DYNLRB1: variants seen among roughly 807,000 people sequenced by gnomAD.
DYNLRB1 encodes dynein light chain roadblock-type 1, also known as ROBL/LC7-like 1.
DYNLRB1 carries 6 observed loss-of-function variants against 13.5 expected under a neutral mutation model. The ratio of observed to expected loss-of-function variants is 0.44; its 90% CI spans 0.24 to 0.88. The LOEUF (loss-of-function observed/expected upper bound fraction) is 0.88. Ranked by LOEUF, DYNLRB1 falls within the 40% of genes least tolerant of loss-of-function variation. DYNLRB1 has a pLI of 0.21. For synonymous variants in DYNLRB1, 43 were observed against 45.0 expected (o/e 0.96, Z 0.18); for missense variants, 93 against 127.2 (o/e 0.73, Z 1.29).
chr20:34,531,729 T>G (rs751646279), intron 2 of DYNLRB1, among the ~76,000 whole-genome samples: 1 of 152,086 alleles, frequency 6.6e-6, no homozygotes, highest in Non-Finnish European at 1.5e-5. Flanking sequence ...GGAGCTTACA[T>G]TGTGGTGGGA....
upstream of DYNLRB1, among the ~76,000 whole-genome samples, chr20:34,515,827 G>C (rs1979127163): frequency 6.6e-6 from 1 of 152,132 alleles, no homozygotes; most frequent in Admixed American, 6.5e-5. Flanking sequence ...ATTGAGAGCT[G>C]AAAGCCTCTT....
chr20:34,516,347 G>A, upstream of DYNLRB1: 2 of 1,466,190 alleles, frequency 1.4e-6, no homozygotes, highest in Non-Finnish European at 1.8e-6. Context: ...CCTCACGCTG[G>A]CTCCTGATAG....
chr20:34,534,831 C>T, intron 3 of DYNLRB1, 36 bp downstream of exon 3: 1 of 1,613,662 alleles, frequency 6.2e-7, no homozygotes, highest in Non-Finnish European at 8.5e-7. Context: ...TAGGAACAGA[C>T]CTCATGGCAC....
intron 2 of DYNLRB1, chr20:34,533,448 A>G: frequency 1.0e-6 from 1 of 985,262 alleles, no homozygotes; most frequent in Non-Finnish European, 1.2e-6. Flanking sequence ...TATAGCTGCT[A>G]CCCAAGCCTC....
At chr20:34,535,122 G>C in intron 3 of DYNLRB1, 1 of 984,914 alleles carries the variant, frequency 1.0e-6, no homozygotes, top group South Asian at 4.7e-5. Context: ...GTCTGGGGCT[G>C]TCTGCAAAAG....
At chr20:34,516,257 C>G (rs1979152513), upstream of DYNLRB1, among the ~76,000 whole-genome samples, 1 of 152,270 alleles carries the variant, frequency 6.6e-6, no homozygotes, top group South Asian at 2.1e-4. Flanking sequence ...CGCACTGCTC[C>G]TTAGCTTTTC....
intron 2 of DYNLRB1, 50 bp downstream of exon 2, chr20:34,526,393 G>C (rs183290685): frequency 6.3e-7 from 1 of 1,588,866 alleles, no homozygotes; most frequent in Non-Finnish European, 8.6e-7. Flanking sequence ...CCCAGAAGCA[G>C]CCATAACACA....
intron 2 of DYNLRB1, among the ~76,000 whole-genome samples, chr20:34,529,012 A>G (rs1409487353): frequency 6.6e-6 from 1 of 151,736 alleles, no homozygotes; most frequent in Admixed American, 6.6e-5. Flanking sequence ...AGTAACAATG[A>G]AGTGTGTAGG....
intron 2 of DYNLRB1, among the ~76,000 whole-genome samples, chr20:34,532,008 T>C (rs975972791): frequency 2.6e-5 from 4 of 152,122 alleles, no homozygotes; most frequent in Non-Finnish European, 2.9e-5. Context: ...CTCTTACCAT[T>C]GGGGCCCAAA....
intron 3 of DYNLRB1, among the ~76,000 whole-genome samples, chr20:34,539,044 G>T (rs1235479532): frequency 2.0e-5 from 3 of 152,184 alleles, no homozygotes; most frequent in African/African-American, 4.8e-5. Flanking sequence ...AATGTTTGCA[G>T]TTTGATTAAG....
intron 1 of DYNLRB1, among the ~76,000 whole-genome samples, chr20:34,520,061 G>A (rs568909123): frequency 9.9e-5 from 15 of 152,166 alleles, no homozygotes; most frequent in African/African-American, 3.4e-4. Context: ...CCCGGGAGGC[G>A]GGGGTTGCAG....
chr20:34,538,005 T>TTTTTTA (rs1981293993), intron 3 of DYNLRB1, among the ~76,000 whole-genome samples: 1 of 122,924 alleles, frequency 8.1e-6, no homozygotes, highest in Non-Finnish European at 1.7e-5. Flanking sequence ...TTTTTTTTTT[T>TTTTTTA]GAGACAGGGT....
intron 2 of DYNLRB1, among the ~76,000 whole-genome samples, chr20:34,529,007 CAATG>C (rs1980488003): frequency 6.6e-6 from 1 of 151,754 alleles, no homozygotes; most frequent in Non-Finnish European, 1.5e-5. Context: ...CAAAAAGTAA[CAATG>C]AAGTGTGTAG....
intron 1 of DYNLRB1, among the ~76,000 whole-genome samples, chr20:34,521,266 T>C (rs1037174619): frequency 6.6e-6 from 1 of 152,154 alleles, no homozygotes; most frequent in African/African-American, 2.4e-5. Flanking sequence ...CCCACCTCAG[T>C]TTCCCAAAGT....
At chr20:34,537,620 G>A (rs555497593) in intron 3 of DYNLRB1, among the ~76,000 whole-genome samples, 189 of 152,236 alleles carry the variant, frequency 1.2e-3, no homozygotes, top group African/African-American at 4.4e-3. Flanking sequence ...AAATAATTGG[G>A]TTTTGGTGCC....
chr20:34,534,969 C>A, intron 3 of DYNLRB1, 174 bp downstream of exon 3: 1 of 1,464,958 alleles, frequency 6.8e-7, no homozygotes, highest in Non-Finnish European at 9.0e-7. Context: ...TGTCCCATAG[C>A]AGATCCTCCC....
chr20:34,537,825 G>A (rs896282663), intron 3 of DYNLRB1, among the ~76,000 whole-genome samples: 1 of 152,088 alleles, frequency 6.6e-6, no homozygotes, highest in African/African-American at 2.4e-5. Flanking sequence ...GCCTGGCCCG[G>A]GAGGGAGATC....
chr20:34,526,669 C>T (rs905751275), intron 2 of DYNLRB1: 1 of 328,952 alleles, frequency 3.0e-6, no homozygotes, highest in African/African-American at 2.1e-5. Context: ...GATCACACTT[C>T]AGTCTTCCAT....
Position 34,535,197 on chromosome 20 carries a change from G to A in DYNLRB1, c.247+402G>A, listed in dbSNP as rs113870441. 1.2e-3 allele frequency: 1,144 copies of A among 985,432 alleles called. 9 individuals are homozygous for A. In the African/African-American group the frequency reaches 0.012, roughly 10 times the overall value. The allele number at this position is 985,432 out of a possible 1,614,324, so 61.0% of individuals were successfully genotyped here. On this transcript the variant is annotated intron_variant, in intron 3 of 3. Coordinates refer to ENST00000357156, the MANE Select transcript of DYNLRB1 (RefSeq NM_014183.4). ...CACCAGGAAGCAGTGTGAGCAAGGC[G>A]GAGGGGCGGAAAGCCACGTTTGGAA... is the stretch of plus-strand genomic sequence containing the variant.
Sources: allele counts gnomAD v4.1 joint callset (sites outside exome capture counted in the v4.1 genomes callset), GRCh38; gene constraint gnomAD v4.1.1; transcripts MANE v1.5; gene names NCBI Gene and HGNC (gene_info 2026-07-23, HGNC 2026-07-21).